HSPA4: variants seen among roughly 807,000 people sequenced by gnomAD.
The protein encoded by HSPA4 is heat shock protein family A (Hsp70) member 4.
HSPA4 carries 25 observed loss-of-function variants against 106.2 expected under a neutral mutation model. That is an observed-to-expected ratio of 0.24 (90% CI 0.17 to 0.33). The LOEUF (loss-of-function observed/expected upper bound fraction) is 0.33. Ranked by LOEUF, HSPA4 falls within the 10% of genes least tolerant of loss-of-function variation. The pLI is 1.00. For missense variants in HSPA4, 841 were observed against 996.0 expected (o/e 0.84, Z 2.10); for synonymous variants, 332 against 333.6 (o/e 1.00, Z 0.05).
At chr5:133,093,944 T>A (rs1404675711) in intron 13 of HSPA4, among the ~76,000 whole-genome samples, 1 of 152,010 alleles carries the variant, frequency 6.6e-6, no homozygotes, top group African/African-American at 2.4e-5. Context: ...AATACAAAAT[T>A]TATCCCAGTG....
At chr5:133,089,496 A>G (rs549173934) in intron 10 of HSPA4, 66 bp from the exon 11 acceptor site, 3 of 1,440,130 alleles carry the variant, frequency 2.1e-6, no homozygotes, top group East Asian at 2.3e-5. Context: ...TTACAAACCT[A>G]GAACACATGG....
intron 16 of HSPA4, among the ~76,000 whole-genome samples, chr5:133,101,330 G>A (rs1384162241): frequency 2.0e-5 from 3 of 152,090 alleles, no homozygotes; most frequent in African/African-American, 4.8e-5. Flanking sequence ...TTTTCCTCTA[G>A]TTGGATTTTG....
Position 133,104,632 on chromosome 5 carries a change from A to T in HSPA4, c.*196A>T. The stretch of plus-strand genomic sequence containing the variant: ...TAGATACAGAAATTAAGTGCATTGT[A>T]TCTTTTTCATAATGGTACTATTTAG... On this transcript the variant is annotated 3_prime_UTR_variant, in exon 19 of 19. Transcript: ENST00000304858. 2 of 567,570 alleles carry T rather than the reference A, an allele frequency of 3.5e-6. No individual in the cohort carries two copies. Among genetic ancestry groups the T allele is most frequent in the Non-Finnish European group, 6.3e-6 (2 of 319,786 alleles). The allele number at this position is 567,570 out of a possible 1,614,324, so 35.2% of individuals were successfully genotyped here.
At position 133,091,322 on chromosome 5, in the gene HSPA4, C is replaced by G; in HGVS notation, c.1508C>G (p.Ser503Cys). Reference protein sequence around the residue: ...SSASLVEVHKSEENEEPMETD... With the variant: ...SSASLVEVHKCEENEEPMETD... ...GCATCTTTAGTGGAGGTTCACAAGT[C>G]TGAGGAAAATGAGGAGCCAATGGAA... is the stretch of plus-strand genomic sequence containing the variant. The change falls in exon 12 of 19, where the codon TCT (serine) becomes TGT (cysteine). Residue 503 changes from serine to cysteine, a missense_variant. By Grantham distance (112) the Ser-to-Cys change is moderately radical. Coordinates refer to ENST00000304858, the MANE Select transcript of HSPA4 (RefSeq NM_002154.4). The G allele has an allele frequency of 1.2e-6, 2 of 1,613,914 alleles. No individual in the cohort carries two copies. Among genetic ancestry groups the G allele is most frequent in the Non-Finnish European group, 8.5e-7 (1 of 1,179,920 alleles).
intron 1 of HSPA4, among the ~76,000 whole-genome samples, chr5:133,055,307 A>ATTTTTTTTTT (rs397999293): frequency 3.3e-5 from 2 of 60,108 alleles, no homozygotes; most frequent in African/African-American, 6.2e-5. Flanking sequence ...AGGAAGGTTG[A>ATTTTTTTTTT]TTTTTTTTTT....
At chr5:133,085,987 A>G (rs73270388) in intron 7 of HSPA4, among the ~76,000 whole-genome samples, 3,460 of 152,296 alleles carry the variant, frequency 0.023, 130 homozygotes, top group African/African-American at 0.075. Flanking sequence ...GAGGGGATGT[A>G]TGGGGATTCT....
intron 5 of HSPA4, 150 bp downstream of exon 5, chr5:133,073,479 A>G: frequency 1.6e-6 from 1 of 609,962 alleles, no homozygotes; most frequent in South Asian, 2.0e-5. Flanking sequence ...ATACTGTGTC[A>G]CTTGTGAAGA....
intron 10 of HSPA4, 59 bp from the exon 11 acceptor site, chr5:133,089,503 A>T (rs895471195): frequency 1.4e-5 from 21 of 1,495,328 alleles, no homozygotes; most frequent in Non-Finnish European, 1.8e-5. Flanking sequence ...CCTAGAACAC[A>T]TGGGTAAAAG....
intron 13 of HSPA4, among the ~76,000 whole-genome samples, chr5:133,095,453 C>T (rs1765698954): frequency 6.6e-6 from 1 of 152,096 alleles, no homozygotes; most frequent in Admixed American, 6.6e-5. Context: ...TTAAAAGAAA[C>T]TCATACTGAA....
At chr5:133,082,995 T>A (rs1294734389) in intron 7 of HSPA4, among the ~76,000 whole-genome samples, 1 of 151,428 alleles carries the variant, frequency 6.6e-6, no homozygotes, top group Admixed American at 6.6e-5. Flanking sequence ...ATTAGCCGGG[T>A]GTAGTGGTGG....
At chr5:133,055,231 C>T (rs895018206) in intron 1 of HSPA4, among the ~76,000 whole-genome samples, 6 of 148,832 alleles carry the variant, frequency 4.0e-5, no homozygotes, top group African/African-American at 1.5e-4. Context: ...GATTTCTGAA[C>T]TGTATGATTT....
intron 1 of HSPA4, among the ~76,000 whole-genome samples, chr5:133,056,262 CTT>C (rs1765163788): frequency 6.6e-6 from 1 of 152,090 alleles, no homozygotes; most frequent in Admixed American, 6.6e-5. Context: ...AGCCACGACT[CTT>C]TCAGCTGCTT....
At chr5:133,058,678 C>G (rs72801447) in intron 1 of HSPA4, among the ~76,000 whole-genome samples, 15,934 of 150,586 alleles carry the variant, frequency 0.11, 1,121 homozygotes, top group Non-Finnish European at 0.16. Flanking sequence ...AACTCCATCT[C>G]AAAACCCCAA....
chr5:133,054,193 GGTTT>G (rs1765129600), intron 1 of HSPA4, among the ~76,000 whole-genome samples: 1 of 151,586 alleles, frequency 6.6e-6, no homozygotes. Flanking sequence ...GCCCTATTAA[GGTTT>G]ATTTATTTAT....
chr5:133,079,151 G>A (rs1258304187), intron 7 of HSPA4, among the ~76,000 whole-genome samples: 3 of 152,298 alleles, frequency 2.0e-5, no homozygotes, highest in African/African-American at 7.2e-5. Flanking sequence ...TGAAATTCAA[G>A]TATCATAAAA....
At chr5:133,082,122 A>G (rs1483906445) in intron 7 of HSPA4, among the ~76,000 whole-genome samples, 1 of 152,228 alleles carries the variant, frequency 6.6e-6, no homozygotes, top group Non-Finnish European at 1.5e-5. Flanking sequence ...ATACATACTA[A>G]AACATGGGTG....
intron 7 of HSPA4, among the ~76,000 whole-genome samples, chr5:133,081,969 A>G (rs1416648693): frequency 2.0e-5 from 3 of 152,252 alleles, no homozygotes; most frequent in African/African-American, 4.8e-5. Flanking sequence ...AGAAAAACTC[A>G]TATGTGAATG....
At chr5:133,091,408 C>T in intron 12 of HSPA4, 34 bp downstream of exon 12, 1 of 1,516,064 alleles carries the variant, frequency 6.6e-7, no homozygotes, top group Non-Finnish European at 9.0e-7. Context: ...TTGTGATGGC[C>T]CAGAGGTGAC....
At chr5:133,067,627 G>C in intron 3 of HSPA4, 70 bp downstream of exon 3, 1 of 1,267,950 alleles carries the variant, frequency 7.9e-7, no homozygotes, top group Non-Finnish European at 1.1e-6. Flanking sequence ...ATATCTATCT[G>C]TACTTTTCTG....
Sources: allele counts gnomAD v4.1 joint callset (sites outside exome capture counted in the v4.1 genomes callset), GRCh38; gene constraint gnomAD v4.1.1; transcripts MANE v1.5; gene names NCBI Gene and HGNC (gene_info 2026-07-23, HGNC 2026-07-21).